SORCS2: variants seen among roughly 807,000 people sequenced by gnomAD.
SORCS2 encodes VPS10 domain-containing receptor SorCS2.
SORCS2 carries 100 observed loss-of-function variants against 141.6 expected under a neutral mutation model. The ratio of observed to expected loss-of-function variants is 0.71; its 90% CI spans 0.60 to 0.83. The LOEUF (loss-of-function observed/expected upper bound fraction) is 0.83, where lower values mean the gene tolerates loss of function less well. SORCS2 is among the 40% of genes least tolerant of loss of function. SORCS2 has a pLI of 0.00. For missense variants in SORCS2, 1,646 were observed against 1,560.2 expected, an observed-to-expected ratio of 1.05 and a Z score of -0.93; for synonymous variants, 789 against 676.9, an observed-to-expected ratio of 1.17 and a Z score of -2.57.
chr4:7,232,464 C>A (rs1357338631), intron 1 of SORCS2, among the ~76,000 whole-genome samples: 1 of 152,192 alleles, frequency 6.6e-6, no homozygotes. Context: ...TATGTCACCC[C>A]CCACGGCAGC....
chr4:7,724,346 TAAC>T (rs1726887800), intron 19 of SORCS2, among the ~76,000 whole-genome samples: 1 of 138,306 alleles, frequency 7.2e-6, no homozygotes, highest in East Asian at 2.3e-4. Flanking sequence ...GTGATGATGG[TAAC>T]AGTAGTGGTA....
chr4:7,559,732 C>T (rs1714395036), intron 3 of SORCS2, among the ~76,000 whole-genome samples: 1 of 152,226 alleles, frequency 6.6e-6, no homozygotes, highest in African/African-American at 2.4e-5. Flanking sequence ...ATTTCCTCAC[C>T]TGTGAAATGG....
At chr4:7,633,108 T>A (rs1356147521) in intron 3 of SORCS2, among the ~76,000 whole-genome samples, 1 of 152,154 alleles carries the variant, frequency 6.6e-6, no homozygotes, top group Non-Finnish European at 1.5e-5. Context: ...CACATGGATT[T>A]TGTGTCATTT....
At chr4:7,729,175 G>A (rs770412475) in intron 22 of SORCS2, among the ~76,000 whole-genome samples, 1 of 152,214 alleles carries the variant, frequency 6.6e-6, no homozygotes, top group African/African-American at 2.4e-5. Flanking sequence ...GGCCTGGGGT[G>A]TTAGGGAGTG....
intron 3 of SORCS2, among the ~76,000 whole-genome samples, chr4:7,629,397 C>G (rs1011985424): frequency 5.3e-5 from 8 of 152,096 alleles, no homozygotes; most frequent in Non-Finnish European, 4.4e-5. Flanking sequence ...GGATGTGGAA[C>G]AAACATGGGT....
chr4:7,620,063 C>G (rs1388466677), intron 3 of SORCS2, among the ~76,000 whole-genome samples: 1 of 150,246 alleles, frequency 6.7e-6, no homozygotes, highest in Non-Finnish European at 1.5e-5. Context: ...CCTCTTCCTC[C>G]TCTTCTTCCT....
Position 7,740,715 on chromosome 4 carries a change from C to A in SORCS2, c.*451C>A. On this transcript the variant is annotated 3_prime_UTR_variant, in exon 27 of 27. Transcript: ENST00000507866. ...CCTGACTTTGCTTCTTCACTCCCAC[C>A]TGTGCGGCCACCCAGTCCCTCTGTG... 3.4e-6 allele frequency: 1 copy of A among 298,282 alleles called. No homozygotes were observed. Among genetic ancestry groups the A allele is most frequent in the Non-Finnish European group, 6.2e-6 (1 of 160,994 alleles). 18.5% of individuals were successfully genotyped at this position (298,282 alleles called of 1,614,324 possible).
chr4:7,713,005 A>G (rs1196928440), intron 15 of SORCS2, among the ~76,000 whole-genome samples, 152 bp downstream of exon 15: 14 of 152,070 alleles, frequency 9.2e-5, no homozygotes. Flanking sequence ...TGAGATGTCC[A>G]GGCCTCCTGT....
At chr4:7,424,311 G>A (rs558535954) in intron 2 of SORCS2, among the ~76,000 whole-genome samples, 257 of 152,316 alleles carry the variant, frequency 1.7e-3, no homozygotes, top group African/African-American at 5.4e-3. Context: ...GAAACCCCAC[G>A]ATGGCAGGCA....
chr4:7,592,534 C>T (rs369570822), intron 3 of SORCS2, among the ~76,000 whole-genome samples: 9 of 152,178 alleles, frequency 5.9e-5, no homozygotes, highest in Admixed American at 2.6e-4. Flanking sequence ...GCCAGTGCCA[C>T]GGGGGAGTCA....
chr4:7,586,688 T>C (rs986146658), intron 3 of SORCS2, among the ~76,000 whole-genome samples: 2 of 152,206 alleles, frequency 1.3e-5, no homozygotes, highest in African/African-American at 4.8e-5. Context: ...AGCATAGTAT[T>C]CCATGGTGTA....
chr4:7,394,517 G>A (rs932886085), intron 1 of SORCS2, among the ~76,000 whole-genome samples: 1 of 148,912 alleles, frequency 6.7e-6, no homozygotes, highest in African/African-American at 2.5e-5. Flanking sequence ...AGGAAATAGG[G>A]CTGGGGGATT....
intron 2 of SORCS2, among the ~76,000 whole-genome samples, chr4:7,443,831 A>G (rs942435754): frequency 6.6e-6 from 1 of 152,230 alleles, no homozygotes; most frequent in Non-Finnish European, 1.5e-5. Context: ...GGCTCCTCCC[A>G]CGGCATCAGA....
intron 2 of SORCS2, among the ~76,000 whole-genome samples, chr4:7,471,223 C>T (rs1446169789): frequency 6.6e-6 from 1 of 152,224 alleles, no homozygotes; most frequent in African/African-American, 2.4e-5. Context: ...GGCCCCGCTT[C>T]CCCGCTCCGC....
At chr4:7,644,090 T>C (rs78182216) in intron 4 of SORCS2, among the ~76,000 whole-genome samples, 3,743 of 152,266 alleles carry the variant, frequency 0.025, 165 homozygotes, top group African/African-American at 0.085. Flanking sequence ...CAGTGCTTTC[T>C]AAATTGTTGG....
intron 1 of SORCS2, among the ~76,000 whole-genome samples, chr4:7,353,953 C>G (rs926152716): frequency 6.6e-6 from 1 of 152,186 alleles, no homozygotes; most frequent in Non-Finnish European, 1.5e-5. Context: ...CGGCAAGAAG[C>G]CCCTCCCTGT....
Position 7,637,679 on chromosome 4 carries a change from G to A in SORCS2, c.649-649G>A, listed in dbSNP as rs539690046. The stretch of plus-strand genomic sequence containing the variant: ...GCACCCCCTCCCTGGTGTGTGGGGG[G>A]GCCCAGCCCAGGCACTCATGAATGA... On this transcript the variant is annotated intron_variant, in intron 3 of 26. Coordinates refer to ENST00000507866, the MANE Select transcript of SORCS2 (RefSeq NM_020777.3). Among the ~76,000 whole-genome samples, 7 of 149,604 alleles carry A rather than the reference G, an allele frequency of 4.7e-5. No individual in the cohort carries two copies. The East Asian group carries it at 1.2e-3, about 25-fold the overall frequency.
chr4:7,290,560 G>A (rs1716533466), intron 1 of SORCS2, among the ~76,000 whole-genome samples: 1 of 152,194 alleles, frequency 6.6e-6, no homozygotes, highest in Non-Finnish European at 1.5e-5. Context: ...GGAAATTGAG[G>A]CCTAGAAAGG....
At chr4:7,440,886 G>A (rs371848585) in intron 2 of SORCS2, among the ~76,000 whole-genome samples, 102 of 152,328 alleles carry the variant, frequency 6.7e-4, no homozygotes, top group African/African-American at 2.4e-3. Context: ...TGGGTACTAG[G>A]GGCTCAATGG....
Sources: gnomAD v4.1 joint callset for allele counts (sites outside exome capture counted in the v4.1 genomes callset) on GRCh38, gnomAD v4.1.1 for gene constraint, MANE v1.5 for transcripts, NCBI Gene and HGNC (gene_info 2026-07-23, HGNC 2026-07-21) for gene names.